The following TENM3 variants were observed in gnomAD, a reference collection of about 807,000 sequenced individuals.
The protein encoded by TENM3 is teneurin-3.
In TENM3, 63 loss-of-function variants were observed where a neutral mutation model predicts 255.1. The ratio of observed to expected loss-of-function variants is 0.25; its 90% CI spans 0.20 to 0.30. TENM3 has a LOEUF of 0.30. Among genes scored for constraint, TENM3 ranks in the 10% least tolerant of loss-of-function variants. The pLI is 1.00. For missense variants in TENM3, 2,929 were observed against 3,461.1 expected, an observed-to-expected ratio of 0.85 and a Z score of 3.86; for synonymous variants, 1,306 against 1,322.3, an observed-to-expected ratio of 0.99 and a Z score of 0.27.
chr4:182,641,169 A>G (rs1752271333), intron 5 of TENM3, among the ~76,000 whole-genome samples: 1 of 152,210 alleles, frequency 6.6e-6, no homozygotes, highest in South Asian at 2.1e-4. Flanking sequence ...ATTCTGTTTC[A>G]AGTTTCCTCT....
intron 3 of TENM3, among the ~76,000 whole-genome samples, chr4:182,466,945 T>C (rs1380798405): frequency 1.3e-5 from 2 of 152,066 alleles, no homozygotes; most frequent in Non-Finnish European, 1.5e-5. Context: ...TTTAAAGATA[T>C]TTTATCTGCC....
chr4:182,064,405 C>T, the TENM3 span, among the ~76,000 whole-genome samples: 1 of 151,862 alleles, frequency 6.6e-6, no homozygotes, highest in African/African-American at 2.4e-5. Context: ...GGTGAAACCC[C>T]GTCTCTACTA....
chr4:181,738,112 A>G, the TENM3 span, among the ~76,000 whole-genome samples: 1 of 152,150 alleles, frequency 6.6e-6, no homozygotes, highest in Non-Finnish European at 1.5e-5. Flanking sequence ...CAAGTTGTCC[A>G]TACAGTAATG....
the TENM3 span, among the ~76,000 whole-genome samples, chr4:181,542,197 A>T: frequency 2.0e-5 from 3 of 152,330 alleles, no homozygotes; most frequent in East Asian, 3.9e-4. Flanking sequence ...AAAGATGAGA[A>T]TAACGTATTC....
At chr4:182,055,348 A>G in the TENM3 span, among the ~76,000 whole-genome samples, 2 of 91,634 alleles carry the variant, frequency 2.2e-5, no homozygotes, top group African/African-American at 1.8e-4. Context: ...ATGTCTCAAA[A>G]CAATAAATAA....
At chr4:182,703,106 T>C (rs1758018614) in intron 12 of TENM3, among the ~76,000 whole-genome samples, 1 of 152,226 alleles carries the variant, frequency 6.6e-6, no homozygotes, top group African/African-American at 2.4e-5. Context: ...TTCTTGTGTG[T>C]ATGTGTATAG....
At chr4:181,454,631 T>C in the TENM3 span, among the ~76,000 whole-genome samples, 1 of 143,108 alleles carries the variant, frequency 7.0e-6, no homozygotes, top group African/African-American at 2.6e-5. Context: ...ATCATTTTTA[T>C]ACCATTTTTT....
the TENM3 span, among the ~76,000 whole-genome samples, chr4:182,030,081 A>G: frequency 0.057 from 3,282 of 57,702 alleles, 96 homozygotes; most frequent in East Asian, 0.29. Context: ...TTGTTGTTGT[A>G]TTTTACTTCA....
the TENM3 span, among the ~76,000 whole-genome samples, chr4:181,986,489 G>A: frequency 6.6e-6 from 1 of 152,048 alleles, no homozygotes; most frequent in Admixed American, 6.6e-5. Context: ...GTTTCCGCAT[G>A]ATAATTAAGA....
chr4:182,500,003 G>A lies in TENM3; in HGVS notation c.512-100921G>A, dbSNP rs562553457. 1.1e-4 allele frequency among the ~76,000 whole-genome samples: 16 copies of A among 152,210 alleles called. 1 individual carries two copies. In the South Asian group the frequency reaches 2.9e-3, roughly 28 times the overall value. Reference sequence around the variant, plus strand: ...TTAGCAATAGGGCCAAAATCCAAACGAGTGAAAAGTAATTGTTTAAGACAC... The same window carrying A: ...TTAGCAATAGGGCCAAAATCCAAACAAGTGAAAAGTAATTGTTTAAGACAC... On this transcript the variant is annotated intron_variant, in intron 3 of 27. Coordinates refer to ENST00000511685, the MANE Select transcript of TENM3 (RefSeq NM_001080477.4).
chr4:182,061,724 C>T, the TENM3 span, among the ~76,000 whole-genome samples: 3 of 151,948 alleles, frequency 2.0e-5, no homozygotes, highest in Admixed American at 1.3e-4. Flanking sequence ...TTTGGGAGAC[C>T]GAGATGGGAG....
intron 4 of TENM3, among the ~76,000 whole-genome samples, chr4:182,612,305 A>G (rs1749080519): frequency 6.6e-6 from 1 of 151,630 alleles, no homozygotes; most frequent in South Asian, 2.1e-4. Context: ...AGACTACACC[A>G]CAACTCATCG....
intron 3 of TENM3, among the ~76,000 whole-genome samples, chr4:182,395,526 G>A (rs577314719): frequency 4.6e-5 from 7 of 152,252 alleles, no homozygotes; most frequent in Admixed American, 4.6e-4. Flanking sequence ...GAGATATTAT[G>A]TTTAAAATGT....
chr4:182,647,006 C>G (rs1432014033), intron 5 of TENM3, among the ~76,000 whole-genome samples: 1 of 151,972 alleles, frequency 6.6e-6, no homozygotes, highest in Non-Finnish European at 1.5e-5. Context: ...ACATTTATAC[C>G]CCAAACATTG....
chr4:182,198,892 G>A (rs1369626013), intron 1 of TENM3, among the ~76,000 whole-genome samples: 1 of 152,138 alleles, frequency 6.6e-6, no homozygotes, highest in African/African-American at 2.4e-5. Flanking sequence ...AAAGAGGATT[G>A]GGAGGCCTTC....
At chr4:182,260,300 T>G (rs1014630275) in intron 1 of TENM3, among the ~76,000 whole-genome samples, 2 of 152,204 alleles carry the variant, frequency 1.3e-5, no homozygotes, top group African/African-American at 4.8e-5. Flanking sequence ...TTTAGTTCTT[T>G]TGAGGAACCT....
intron 1 of TENM3, among the ~76,000 whole-genome samples, chr4:182,189,551 T>A (rs1387621584): frequency 6.6e-6 from 1 of 152,136 alleles, no homozygotes; most frequent in Admixed American, 6.6e-5. Flanking sequence ...AAGACTGATG[T>A]GGGGCGCGGC....
Position 182,773,598 on chromosome 4 carries a change from C to T in TENM3, c.5019C>T (p.Ser1673=). ...CATCTAGCCGAGAAGAAGATGTCAGCATCACTTCAAATCTGTCCTCGATCG... is the reference window on the plus strand; with the variant it reads ...CATCTAGCCGAGAAGAAGATGTCAGTATCACTTCAAATCTGTCCTCGATCG... The part of the protein sequence containing the change: ...IESSSREEDV[S]ITSNLSSIDS... The change falls in exon 23 of 28, where the codon AGC becomes AGT. Residue 1673 remains serine (S), a synonymous_variant. Coordinates refer to ENST00000511685, the MANE Select transcript of TENM3 (RefSeq NM_001080477.4). The T allele has an allele frequency of 6.2e-7, 1 of 1,613,724 alleles. No homozygotes were observed. Among genetic ancestry groups the T allele is most frequent in the Non-Finnish European group, 8.5e-7 (1 of 1,179,798 alleles).
At chr4:182,318,253 T>C (rs1223196048) in intron 1 of TENM3, among the ~76,000 whole-genome samples, 3 of 152,192 alleles carry the variant, frequency 2.0e-5, no homozygotes, top group African/African-American at 7.2e-5. Flanking sequence ...AGTCTCTACA[T>C]AGATATATAT....
Sources: allele counts gnomAD v4.1 joint callset (sites outside exome capture counted in the v4.1 genomes callset), GRCh38; gene constraint gnomAD v4.1.1; transcripts MANE v1.5; gene names NCBI Gene and HGNC (gene_info 2026-07-23, HGNC 2026-07-21).